EHF: variants seen among roughly 807,000 people sequenced by gnomAD.
EHF encodes ESE3 transcription factor.
Under a neutral mutation model 45.1 loss-of-function variants are expected in EHF, and 14 were observed. That is an observed-to-expected ratio of 0.31 (90% CI 0.21 to 0.49). The LOEUF (loss-of-function observed/expected upper bound fraction) is 0.49, where lower values mean the gene tolerates loss of function less well. Among genes scored for constraint, EHF ranks in the 20% least tolerant of loss-of-function variants. The probability of loss-of-function intolerance (pLI) is 0.99; values close to 1 mark genes in which losing one functional copy is unlikely to be tolerated. For missense variants in EHF, 282 were observed against 371.4 expected (o/e 0.76, Z 1.98); for synonymous variants, 136 against 131.8 (o/e 1.03, Z -0.22).
At chr11:34,644,142 G>C (rs1854291796) in intron 2 of EHF, among the ~76,000 whole-genome samples, 1 of 152,028 alleles carries the variant, frequency 6.6e-6, no homozygotes, top group Non-Finnish European at 1.5e-5. Context: ...ACACTAGCAG[G>C]GACTATCTTT....
chr11:34,649,256 G>A (rs1340794519), intron 4 of EHF, among the ~76,000 whole-genome samples, 175 bp downstream of exon 4: 1 of 152,144 alleles, frequency 6.6e-6, no homozygotes, highest in Non-Finnish European at 1.5e-5. Context: ...TTGCCCTTGC[G>A]ACCAGTGACT....
chr11:34,649,186 C>A, intron 4 of EHF, 105 bp downstream of exon 4: 1 of 1,172,724 alleles, frequency 8.5e-7, no homozygotes. Context: ...TTGCAGGAAA[C>A]ACAGGGAGGC....
chr11:34,635,065 T>A (rs1025263834), intron 1 of EHF, among the ~76,000 whole-genome samples: 1 of 152,334 alleles, frequency 6.6e-6, no homozygotes, highest in Non-Finnish European at 1.5e-5. Context: ...TTGTGAGCAT[T>A]GATTGAGATA....
At chr11:34,644,012 A>G (rs1854275627) in intron 2 of EHF, among the ~76,000 whole-genome samples, 1 of 152,240 alleles carries the variant, frequency 6.6e-6, no homozygotes. Flanking sequence ...ATGTGAACTC[A>G]TAGGAATTTT....
intron 4 of EHF, among the ~76,000 whole-genome samples, chr11:34,649,901 T>C (rs1854975155): frequency 6.6e-6 from 1 of 152,228 alleles, no homozygotes; most frequent in Non-Finnish European, 1.5e-5. Flanking sequence ...TGTGAGTCAC[T>C]TGGGGCCAAA....
At chr11:34,638,704 T>C (rs1853693371) in intron 1 of EHF, among the ~76,000 whole-genome samples, 1 of 152,128 alleles carries the variant, frequency 6.6e-6, no homozygotes, top group Non-Finnish European at 1.5e-5. Context: ...ATTGTCCACA[T>C]TTCAGTGGTG....
At chr11:34,631,023 A>G (rs1309148935) in intron 1 of EHF, among the ~76,000 whole-genome samples, 1 of 152,078 alleles carries the variant, frequency 6.6e-6, no homozygotes. Context: ...GAGATATTAT[A>G]TTATTTTATT....
At chr11:34,654,058 G>C (rs139239826) in intron 6 of EHF, among the ~76,000 whole-genome samples, 4 of 152,188 alleles carry the variant, frequency 2.6e-5, no homozygotes, top group Admixed American at 2.6e-4. Context: ...AGGGTGGCAC[G>C]GTCTATTAGA....
chr11:34,622,040 C>G (rs2133952208), intron 1 of EHF: 1 of 158,058 alleles, frequency 6.3e-6, no homozygotes, highest in African/African-American at 2.4e-5. Flanking sequence ...TATGATCAGA[C>G]AGGCAGTTGT....
chr11:34,633,453 G>A (rs768046901), intron 1 of EHF, among the ~76,000 whole-genome samples: 10 of 152,190 alleles, frequency 6.6e-5, no homozygotes, highest in Non-Finnish European at 1.3e-4. Context: ...TCAATGGCGA[G>A]AGTGTTCAAG....
At chr11:34,653,293 C>T (rs1161392340) in intron 6 of EHF, among the ~76,000 whole-genome samples, 1 of 152,076 alleles carries the variant, frequency 6.6e-6, no homozygotes, top group Non-Finnish European at 1.5e-5. Flanking sequence ...CTTGAGGCAC[C>T]CGGGAAACAA....
At chr11:34,657,061 T>C (rs949058045) in intron 7 of EHF, 91 bp downstream of exon 7, 3 of 1,451,364 alleles carry the variant, frequency 2.1e-6, no homozygotes, top group African/African-American at 2.8e-5. Flanking sequence ...ATATCGCCTC[T>C]GTCTGCTGCC....
chr11:34,645,858 G>C (rs764340661), intron 2 of EHF, among the ~76,000 whole-genome samples: 7 of 152,208 alleles, frequency 4.6e-5, no homozygotes, highest in Non-Finnish European at 8.8e-5. Flanking sequence ...AGGTAACTGA[G>C]TAGGGAAGTG....
chr11:34,644,742 G>A (rs1188727021), intron 2 of EHF, among the ~76,000 whole-genome samples: 3 of 152,218 alleles, frequency 2.0e-5, no homozygotes, highest in Non-Finnish European at 4.4e-5. Flanking sequence ...CATTATGGGA[G>A]TTAAACCTTT....
At position 34,649,167 on chromosome 11, in the gene EHF, G is replaced by T. The variant is rs1854888597; in HGVS notation, c.406+86G>T. The T allele has an allele frequency of 9.0e-6, 13 of 1,438,744 alleles. No individual in the cohort carries two copies. The South Asian group carries it at 1.1e-4, about 12-fold the overall frequency. The allele number at this position is 1,438,744 out of a possible 1,614,324, so 89.1% of individuals were successfully genotyped here. A position where few individuals can be genotyped will look rare whatever the true frequency, so the allele number is the denominator to read the frequency against. On this transcript the variant is annotated intron_variant, in intron 4 of 8. Transcript: ENST00000257831. Reference sequence around the variant, plus strand: ...GGGAGAGGGCAAGAGAGAATGTGGGGGCAAGTTTTTGCAGGAAACACAGGG... The same window carrying T: ...GGGAGAGGGCAAGAGAGAATGTGGGTGCAAGTTTTTGCAGGAAACACAGGG...
At chr11:34,633,678 G>T (rs949320693) in intron 1 of EHF, among the ~76,000 whole-genome samples, 1 of 152,116 alleles carries the variant, frequency 6.6e-6, no homozygotes, top group African/African-American at 2.4e-5. Context: ...GAAGAGGAGA[G>T]TCAAAGTTTC....
At position 34,662,350 on chromosome 11, in the gene EHF, C is replaced by T. The variant is rs373633586; in HGVS notation, c.*3419C>T. 2.0e-5 allele frequency among the ~76,000 whole-genome samples: 3 copies of T among 151,914 alleles called. No individual in the cohort carries two copies. The highest frequency in any genetic ancestry group is 4.8e-5 in the African/African-American group (2 of 41,372). ...GACTCTTTATTTTGCCTTCTACTTG[C>T]GCTGAAATGAAACCAAAACAGGCCG... On this transcript the variant is annotated 3_prime_UTR_variant, in exon 9 of 9. Transcript: ENST00000257831.
chr11:34,643,887 G>A (rs1398108444), intron 2 of EHF, among the ~76,000 whole-genome samples: 1 of 152,248 alleles, frequency 6.6e-6, no homozygotes, highest in Non-Finnish European at 1.5e-5. Context: ...AATGTGTTCA[G>A]CAGGAAGTAG....
chr11:34,637,677 AG>A (rs1331404745), intron 1 of EHF, among the ~76,000 whole-genome samples: 1 of 152,174 alleles, frequency 6.6e-6, no homozygotes, highest in Non-Finnish European at 1.5e-5. Flanking sequence ...GGTAGCACAC[AG>A]GGCTCCTTCT....
Sources: allele counts gnomAD v4.1 joint callset (sites outside exome capture counted in the v4.1 genomes callset), GRCh38; gene constraint gnomAD v4.1.1; transcripts MANE v1.5; gene names NCBI Gene and HGNC (gene_info 2026-07-23, HGNC 2026-07-21).